The following PPP1R13B variants were observed in gnomAD, a reference collection of about 807,000 sequenced individuals.
The protein encoded by PPP1R13B is apoptosis-stimulating of p53 protein 1.
PPP1R13B carries 44 observed loss-of-function variants against 119.8 expected under a neutral mutation model. That is an observed-to-expected ratio of 0.37 (90% CI 0.29 to 0.47). The LOEUF is 0.47. Ranked by LOEUF, PPP1R13B falls within the 20% of genes least tolerant of loss-of-function variation. The pLI, the probability that PPP1R13B is intolerant of heterozygous loss-of-function variation, is 0.99. For synonymous variants in PPP1R13B, 542 were observed against 561.5 expected (o/e 0.97, Z 0.49); for missense variants, 1,227 against 1,413.5 (o/e 0.87, Z 2.12).
rs2086378251 is a variant in PPP1R13B, at chr14:103,820,347, T to C, written c.10-22829A>G. On this transcript the variant is annotated intron_variant, in intron 1 of 16. Coordinates refer to ENST00000202556, the MANE Select transcript of PPP1R13B (RefSeq NM_015316.3). ...TCGCAGATCACCTTTCCTTTTGTTT[T>C]ATCATCTTTCTACACTGCTGCAAAA... 1.3e-5 allele frequency among the ~76,000 whole-genome samples: 2 copies of C among 152,226 alleles called. 1 individual carries two copies. The highest frequency in any genetic ancestry group is 2.9e-5 in the Non-Finnish European group (2 of 68,036).
Position 103,740,200 on chromosome 14 carries a change from C to T in PPP1R13B, c.2216G>A (p.Gly739Asp), listed in dbSNP as rs1171256707. ...GGGGCTGGGCTGGTAGAAAGGGGTG[C>T]CCTCCATGCCACCGGCCAGGGTGTT... ...RFNTLAGGMEGTPFYQPSPSQ... is the reference protein window; with the variant it reads ...RFNTLAGGMEDTPFYQPSPSQ... Residue 739 changes from glycine (G) to aspartate (D), a missense_variant, in exon 12 of 17, where the codon GGC (glycine) becomes GAC (aspartate). By Grantham distance (94) the Gly-to-Asp change is moderately conservative. Coordinates refer to ENST00000202556, the MANE Select transcript of PPP1R13B (RefSeq NM_015316.3). The surrounding 1 kb of genome is among the most constrained non-coding windows in gnomAD (Gnocchi z 4.6). 1 of 1,613,648 alleles carries T rather than the reference C, an allele frequency of 6.2e-7. No individual in the cohort carries two copies. The highest frequency in any genetic ancestry group is 8.5e-7 in the Non-Finnish European group (1 of 1,179,976).
chr14:103,748,674 G>A (rs944713445), intron 8 of PPP1R13B, among the ~76,000 whole-genome samples: 1 of 152,146 alleles, frequency 6.6e-6, no homozygotes, highest in Non-Finnish European at 1.5e-5. Flanking sequence ...TGCCACATCC[G>A]GCCAAAGACA....
chr14:103,830,790 C>T (rs564885714), intron 1 of PPP1R13B, among the ~76,000 whole-genome samples: 185 of 152,242 alleles, frequency 1.2e-3, no homozygotes, highest in African/African-American at 4.3e-3. Flanking sequence ...GCCACTGGCA[C>T]ACATGGCTAT....
chr14:103,839,714 A>G (rs535486876), intron 1 of PPP1R13B, among the ~76,000 whole-genome samples: 1 of 151,596 alleles, frequency 6.6e-6, no homozygotes, highest in South Asian at 2.1e-4. Flanking sequence ...TACTCTCTCC[A>G]TCACCTGACT....
intron 1 of PPP1R13B, among the ~76,000 whole-genome samples, chr14:103,827,189 T>C (rs1173852907): frequency 6.7e-6 from 1 of 150,042 alleles, no homozygotes; most frequent in Non-Finnish European, 1.5e-5. Flanking sequence ...CCAGGTGTGG[T>C]GGCAGGTGTG....
At chr14:103,739,228 T>TA (rs2084189532) in intron 12 of PPP1R13B, 1 of 608,720 alleles carries the variant, frequency 1.6e-6, no homozygotes. Flanking sequence ...GAGAGCCCTG[T>TA]CTGAGGCCTG....
intron 4 of PPP1R13B, among the ~76,000 whole-genome samples, chr14:103,764,971 A>T (rs944565721): frequency 1.3e-5 from 2 of 152,086 alleles, no homozygotes; most frequent in African/African-American, 4.8e-5. Context: ...GACGCCCGCC[A>T]CCACGCCCGG....
intron 12 of PPP1R13B, 166 bp from the exon 13 acceptor site, chr14:103,739,189 G>C (rs769742843): frequency 2.1e-5 from 18 of 846,188 alleles, no homozygotes; most frequent in Admixed American, 2.7e-5. Flanking sequence ...CCTCAAATAA[G>C]GGCCAGGGCC....
intron 1 of PPP1R13B, among the ~76,000 whole-genome samples, chr14:103,809,980 C>T (rs1172706227): frequency 1.3e-5 from 2 of 151,484 alleles, no homozygotes; most frequent in African/African-American, 4.8e-5. Context: ...GCATGCGCCA[C>T]CATGCCTGGC....
intron 4 of PPP1R13B, among the ~76,000 whole-genome samples, chr14:103,768,441 C>T (rs558354076): frequency 1.3e-5 from 2 of 152,146 alleles, no homozygotes; most frequent in East Asian, 3.9e-4. Context: ...GAACTACAGG[C>T]GTGCGCCACC....
intron 12 of PPP1R13B, 165 bp from the exon 13 acceptor site, chr14:103,739,188 A>G: frequency 3.6e-6 from 3 of 841,290 alleles, no homozygotes; most frequent in Non-Finnish European, 5.5e-6. Flanking sequence ...ACCTCAAATA[A>G]GGGCCAGGGC....
chr14:103,803,038 C>A (rs973707923), intron 1 of PPP1R13B, among the ~76,000 whole-genome samples: 3 of 152,104 alleles, frequency 2.0e-5, no homozygotes, highest in Admixed American at 1.3e-4. Context: ...TAAAGCATCA[C>A]CGAAAACTGA....
intron 1 of PPP1R13B, among the ~76,000 whole-genome samples, chr14:103,842,688 T>C (rs1258265725): frequency 2.0e-5 from 3 of 151,722 alleles, no homozygotes; most frequent in African/African-American, 7.3e-5. Flanking sequence ...AAAGAAAAAG[T>C]ATGCTGGCCG....
chr14:103,777,135 G>C (rs1486402125), intron 4 of PPP1R13B, among the ~76,000 whole-genome samples: 1 of 151,794 alleles, frequency 6.6e-6, no homozygotes, highest in Non-Finnish European at 1.5e-5. Context: ...TGGGACTACA[G>C]GCGCATGCCA....
rs1214805695 is a variant in PPP1R13B, at chr14:103,784,822, C to T, written c.250G>A (p.Asp84Asn). The T allele has an allele frequency of 6.2e-7, 1 of 1,609,774 alleles. No individual in the cohort carries two copies. Among genetic ancestry groups the T allele is most frequent in the Non-Finnish European group, 8.5e-7 (1 of 1,176,754 alleles). Residue 84 changes from aspartate to asparagine, a missense_variant, in exon 3 of 17, where the codon GAC becomes AAC. Coordinates refer to ENST00000202556, the MANE Select transcript of PPP1R13B (RefSeq NM_015316.3). ...TGTTCACTGTTCTCAGTTGGGGAGTCCTCGTGTCGAAGGAAAAATTTCACT... is the reference window on the plus strand; with the variant it reads ...TGTTCACTGTTCTCAGTTGGGGAGTTCTCGTGTCGAAGGAAAAATTTCACT... ...EEVKFFLRHE[D>N]SPTENSEQGG...
At chr14:103,816,461 C>T (rs928835358) in intron 1 of PPP1R13B, among the ~76,000 whole-genome samples, 2 of 149,792 alleles carry the variant, frequency 1.3e-5, no homozygotes, top group Non-Finnish European at 3.0e-5. Context: ...CCAAGGCGGG[C>T]GGATCAGCTG....
At chr14:103,754,034 T>A in intron 6 of PPP1R13B, 36 bp downstream of exon 6, 17 of 1,602,234 alleles carry the variant, frequency 1.1e-5, no homozygotes, top group Non-Finnish European at 1.4e-5. Context: ...CTGGGCCTGG[T>A]GAGAGTGGTG....
intron 1 of PPP1R13B, among the ~76,000 whole-genome samples, chr14:103,798,936 C>G (rs928059085): frequency 1.3e-5 from 2 of 151,960 alleles, no homozygotes; most frequent in South Asian, 2.1e-4. Flanking sequence ...GCAATCCTCT[C>G]GCCTTGGCCT....
chr14:103,779,567 G>A (rs1328187944), intron 3 of PPP1R13B, among the ~76,000 whole-genome samples: 1 of 149,986 alleles, frequency 6.7e-6, no homozygotes, highest in African/African-American at 2.5e-5. Flanking sequence ...TTGAGCTCAG[G>A]AATTCAAGAC....
Sources: allele counts gnomAD v4.1 joint callset (sites outside exome capture counted in the v4.1 genomes callset), GRCh38; gene constraint gnomAD v4.1.1; non-coding constraint Gnocchi (gnomAD v3.1); transcripts MANE v1.5; gene names NCBI Gene and HGNC (gene_info 2026-07-23, HGNC 2026-07-21).